Variants in SMAD2 observed in about 807,000 individuals in gnomAD.
SMAD2 encodes MAD homolog 2.
Under a neutral mutation model 64.4 loss-of-function variants are expected in SMAD2, and 8 were observed. The observed-to-expected ratio is 0.12, with a 90% CI of 0.07 to 0.22. The LOEUF (loss-of-function observed/expected upper bound fraction) is 0.22. SMAD2 is among the 10% of genes least tolerant of loss of function. The probability of loss-of-function intolerance (pLI) is 1.00; values close to 1 mark genes in which losing one functional copy is unlikely to be tolerated. For missense variants in SMAD2, 289 were observed against 561.2 expected (o/e 0.51, Z 4.90); for synonymous variants, 203 against 195.8 (o/e 1.04, Z -0.31).
At chr18:47,882,041 CTTTT>C (rs71162900) in intron 2 of SMAD2, among the ~76,000 whole-genome samples, 38 of 38,868 alleles carry the variant, frequency 9.8e-4, no homozygotes, top group African/African-American at 1.2e-3. Flanking sequence ...CCACGCTTGG[CTTTT>C]TTTTTTTTTT....
At chr18:47,881,255 C>A (rs753781344) in intron 2 of SMAD2, among the ~76,000 whole-genome samples, 10 of 152,132 alleles carry the variant, frequency 6.6e-5, no homozygotes, top group Admixed American at 1.3e-4. Context: ...AATCACAACT[C>A]CCTCTTCATT....
At chr18:47,898,478 T>A (rs2033539424) in intron 1 of SMAD2, among the ~76,000 whole-genome samples, 1 of 152,202 alleles carries the variant, frequency 6.6e-6, no homozygotes. Flanking sequence ...TTAAGCACAC[T>A]TTGCACATAT....
intron 2 of SMAD2, among the ~76,000 whole-genome samples, chr18:47,894,885 GA>G (rs1358501975): frequency 6.6e-6 from 1 of 152,122 alleles, no homozygotes; most frequent in Non-Finnish European, 1.5e-5. Context: ...AATATAGCTT[GA>G]CTTCTCAGCC....
chr18:47,887,699 T>C (rs1345686057), intron 2 of SMAD2, among the ~76,000 whole-genome samples: 1 of 152,188 alleles, frequency 6.6e-6, no homozygotes, highest in East Asian at 1.9e-4. Context: ...TGCCCTTTCT[T>C]CATTCTACCG....
At chr18:47,893,186 A>ACT (rs1482722801) in intron 2 of SMAD2, among the ~76,000 whole-genome samples, 4 of 152,208 alleles carry the variant, frequency 2.6e-5, no homozygotes, top group Non-Finnish European at 4.4e-5. Context: ...CCTATAAATT[A>ACT]CTCTGTGTCA....
In SMAD2 at chr18:47,819,296, T is replaced by A. The variant is rs1197880466; in HGVS notation, c.*22531A>T. On this transcript the variant is annotated 3_prime_UTR_variant, in exon 11 of 11. Coordinates refer to ENST00000262160, the MANE Select transcript of SMAD2 (RefSeq NM_005901.6). ...CTATAAACTCAACTTAAAAACAGAA[T>A]GATCTTTGTATAACTGTAAGTTGAA... is the stretch of plus-strand genomic sequence containing the variant. 6.6e-6 allele frequency: 1 copy of A among 152,246 alleles called. No individual in the cohort carries two copies. Among genetic ancestry groups the A allele is most frequent in the Non-Finnish European group, 1.5e-5 (1 of 68,042 alleles). 9.4% of individuals were successfully genotyped at this position (152,246 alleles called of 1,614,324 possible).
At chr18:47,914,757 T>A (rs2034271447) in intron 1 of SMAD2, among the ~76,000 whole-genome samples, 1 of 152,202 alleles carries the variant, frequency 6.6e-6, no homozygotes, top group Non-Finnish European at 1.5e-5. Context: ...GCTTTCTAGT[T>A]AGTCTTGATA....
chr18:47,911,344 C>A (rs75737219), intron 1 of SMAD2, among the ~76,000 whole-genome samples: 8,396 of 149,406 alleles, frequency 0.056, 615 homozygotes, highest in Admixed American at 0.21. Flanking sequence ...GAGCGAGACT[C>A]CATCTGGAAA....
rs1454987434 is a variant in SMAD2 at position 47,830,666 on chromosome 18, T to C, written c.*11161A>G. On this transcript the variant is annotated 3_prime_UTR_variant, in exon 11 of 11. Coordinates refer to ENST00000262160, the MANE Select transcript of SMAD2 (RefSeq NM_005901.6). The stretch of plus-strand genomic sequence containing the variant: ...AAGTGAGTCATCATTTGTATTAAAA[T>C]CTTATTTACATGGTACTTATGTAGT... The C allele has an allele frequency of 2.0e-5, 3 of 152,066 alleles. No individual in the cohort carries two copies. The highest frequency in any genetic ancestry group is 2.1e-4 in the South Asian group (1 of 4,808). 9.4% of individuals were successfully genotyped at this position (152,066 alleles called of 1,614,324 possible). A position where few individuals can be genotyped will look rare whatever the true frequency, so the allele number is the denominator to read the frequency against.
intron 1 of SMAD2, among the ~76,000 whole-genome samples, chr18:47,906,120 G>GA (rs1274694434): frequency 2.1e-4 from 29 of 135,598 alleles, no homozygotes; most frequent in South Asian, 4.7e-4. Context: ...GTCTCAAAAA[G>GA]AAAAAAAAAG....
intron 2 of SMAD2, among the ~76,000 whole-genome samples, chr18:47,879,904 T>C (rs1007888285): frequency 7.9e-5 from 12 of 152,200 alleles, no homozygotes; most frequent in African/African-American, 1.4e-4. Context: ...TGGTATTTCA[T>C]TGTGGTTTCA....
intron 2 of SMAD2, among the ~76,000 whole-genome samples, chr18:47,894,577 A>G (rs1462704438): frequency 6.6e-6 from 1 of 152,184 alleles, no homozygotes; most frequent in Non-Finnish European, 1.5e-5. Flanking sequence ...ATGTGATGAA[A>G]CAGGCTTCTC....
intron 10 of SMAD2, among the ~76,000 whole-genome samples, chr18:47,843,119 C>T (rs1352460978): frequency 6.6e-6 from 1 of 152,206 alleles, no homozygotes; most frequent in African/African-American, 2.4e-5. Context: ...TAGACAACTT[C>T]CAACTGCAGG....
At chr18:47,894,475 C>T (rs72914307) in intron 2 of SMAD2, among the ~76,000 whole-genome samples, 3,483 of 152,242 alleles carry the variant, frequency 0.023, 68 homozygotes, top group Non-Finnish European at 0.036. Context: ...GGCCATTTGC[C>T]ACCCCTTACT....
intron 1 of SMAD2, among the ~76,000 whole-genome samples, chr18:47,911,711 G>A (rs1425078980): frequency 6.6e-6 from 1 of 152,194 alleles, no homozygotes; most frequent in Admixed American, 6.5e-5. Context: ...TTAGGGAACT[G>A]TAATGCAAAT....
At chr18:47,909,179 G>C (rs572527220) in intron 1 of SMAD2, among the ~76,000 whole-genome samples, 1 of 152,234 alleles carries the variant, frequency 6.6e-6, no homozygotes, top group Non-Finnish European at 1.5e-5. Context: ...TGAAAATGCA[G>C]GTTTTATGTA....
chr18:47,899,311 T>A (rs796204021), intron 1 of SMAD2, among the ~76,000 whole-genome samples: 7 of 152,170 alleles, frequency 4.6e-5, no homozygotes, highest in African/African-American at 1.7e-4. Context: ...AAACAAAGGT[T>A]TGGAGCTTAG....
In SMAD2 at chr18:47,833,598, C is replaced by G. The variant is rs768216346; in HGVS notation, c.*8229G>C. 8.7e-6 allele frequency: 2 copies of G among 230,890 alleles called. 1 individual carries two copies. The highest frequency in any genetic ancestry group is 3.6e-4 in the South Asian group (2 of 5,528). 14.3% of individuals were successfully genotyped at this position (230,890 alleles called of 1,614,324 possible). A position where few individuals can be genotyped will look rare whatever the true frequency, so the allele number is the denominator to read the frequency against. ...TGCCATCAGAGAAAAAAAATCTCAC[C>G]TCACGTGCTCAATGTTCTAGCTGGT... On this transcript the variant is annotated 3_prime_UTR_variant, in exon 11 of 11. Transcript: ENST00000262160.
At chr18:47,923,284 T>C (rs1277775973) in intron 1 of SMAD2, among the ~76,000 whole-genome samples, 3 of 151,998 alleles carry the variant, frequency 2.0e-5, no homozygotes, top group African/African-American at 4.8e-5. Flanking sequence ...TCCCAAAGTC[T>C]ATCCTGACCC....
Sources: allele counts gnomAD v4.1 joint callset (sites outside exome capture counted in the v4.1 genomes callset), GRCh38; gene constraint gnomAD v4.1.1; transcripts MANE v1.5; gene names NCBI Gene and HGNC (gene_info 2026-07-23, HGNC 2026-07-21).